The following LRRC38 variants were observed in gnomAD, a reference collection of about 807,000 sequenced individuals.
The protein encoded by LRRC38 is leucine-rich repeat-containing protein 38.
Under a neutral mutation model 16.4 loss-of-function variants are expected in LRRC38, and 5 were observed. The ratio of observed to expected loss-of-function variants is 0.31; its 90% CI spans 0.16 to 0.64. The LOEUF is 0.64. Ranked by LOEUF, LRRC38 falls within the 30% of genes least tolerant of loss-of-function variation. The probability of loss-of-function intolerance (pLI) is 0.80; values close to 1 mark genes in which losing one functional copy is unlikely to be tolerated. For synonymous variants in LRRC38, 191 were observed against 190.2 expected (o/e 1.00, Z -0.04); for missense variants, 341 against 401.8 (o/e 0.85, Z 1.29).
At chr1:13,500,898 T>A (rs355045) in intron 1 of LRRC38, among the ~76,000 whole-genome samples, 1 of 151,898 alleles carries the variant, frequency 6.6e-6, no homozygotes, top group Non-Finnish European at 1.5e-5. Context: ...TCAGTGGTCA[T>A]GAGGGGTTGA....
At chr1:13,488,217 T>C (rs573976673) in intron 1 of LRRC38, among the ~76,000 whole-genome samples, 1 of 152,190 alleles carries the variant, frequency 6.6e-6, no homozygotes, top group African/African-American at 2.4e-5. Flanking sequence ...CCCAGGATCT[T>C]TCCAGTTTTC....
At chr1:13,476,472 G>A (rs762259428) in intron 1 of LRRC38, among the ~76,000 whole-genome samples, 1 of 152,138 alleles carries the variant, frequency 6.6e-6, no homozygotes, top group Non-Finnish European at 1.5e-5. Context: ...GGGATTACAG[G>A]TGTGCACCGC....
At chr1:13,506,832 T>C (rs1390670113) in intron 1 of LRRC38, among the ~76,000 whole-genome samples, 1 of 152,212 alleles carries the variant, frequency 6.6e-6, no homozygotes, top group Non-Finnish European at 1.5e-5. Flanking sequence ...CTGCAAACCA[T>C]GTTCCAGACC....
At chr1:13,481,731 C>A (rs1638861646) in intron 1 of LRRC38, among the ~76,000 whole-genome samples, 1 of 150,890 alleles carries the variant, frequency 6.6e-6, no homozygotes, top group Admixed American at 6.6e-5. Context: ...AGAGAGCTCT[C>A]CCAATCTGTC....
At position 13,513,267 on chromosome 1, in the gene LRRC38, G is replaced by C. The variant is rs1264782569; in HGVS notation, c.327C>G (p.Leu109=). 3 of 1,550,460 alleles carry C rather than the reference G, an allele frequency of 1.9e-6. No homozygotes were observed. Among genetic ancestry groups the C allele is most frequent in the Non-Finnish European group, 1.7e-6 (2 of 1,146,984 alleles). The change falls in exon 1 of 2, where the codon CTC becomes CTG. Residue 109 remains leucine, a synonymous_variant. Coordinates refer to ENST00000376085, the MANE Select transcript of LRRC38 (RefSeq NM_001010847.2). ...TFSGSAKLVF[L]DLSYNNLTQL... is the part of the protein sequence containing the mutation. ...GGGTCAAGTTGTTGTAGCTGAGGTC[G>C]AGGAACACGAGCTTGGCCGAGCCGC...
intron 1 of LRRC38, among the ~76,000 whole-genome samples, chr1:13,484,448 T>C (rs1292504501): frequency 6.6e-6 from 1 of 152,206 alleles, no homozygotes; most frequent in South Asian, 2.1e-4. Context: ...TGAATCAACA[T>C]GTGAATAAAG....
Position 13,513,427 on chromosome 1 carries a change from AG to A in LRRC38, c.166del (p.Leu56TrpfsTer61). 2 of 1,550,092 alleles carry A rather than the reference AG, an allele frequency of 1.3e-6. No homozygotes were observed. Among genetic ancestry groups the A allele is most frequent in the Non-Finnish European group, 8.7e-7 (1 of 1,146,708 alleles). The part of the protein sequence containing the change: ...GLPSVPDPFP[L>X]DVRKLLVAGN... ...GGCCACCAGCAGCTTGCGCACGTCC[AG>A]GGGGAAAGGGTCTGGCACGCTGGGC... On this transcript the variant is annotated frameshift_variant, in exon 1 of 2. Coordinates refer to ENST00000376085, the MANE Select transcript of LRRC38 (RefSeq NM_001010847.2). LOFTEE classifies it high-confidence loss of function.
chr1:13,492,644 G>C (rs1285876076), intron 1 of LRRC38, among the ~76,000 whole-genome samples: 1 of 152,106 alleles, frequency 6.6e-6, no homozygotes, highest in Non-Finnish European at 1.5e-5. Context: ...GGAGGTTACA[G>C]TGAGCTGAGA....
intron 1 of LRRC38, 31 bp downstream of exon 1, chr1:13,512,924 CCCCTCCCT>C: frequency 1.6e-6 from 2 of 1,215,302 alleles, no homozygotes; most frequent in Non-Finnish European, 2.3e-6. Context: ...TCTCCCTGCC[CCCCTCCCT>C]CCCTCCCCCA....
chr1:13,498,985 T>C (rs6686376), intron 1 of LRRC38, among the ~76,000 whole-genome samples: 6,351 of 152,204 alleles, frequency 0.042, 385 homozygotes, highest in African/African-American at 0.13. Context: ...TCTGCCTTCA[T>C]CTTCACGTGG....
chr1:13,510,007 G>A (rs1418239489), intron 1 of LRRC38, among the ~76,000 whole-genome samples: 10 of 152,298 alleles, frequency 6.6e-5, no homozygotes, highest in African/African-American at 1.7e-4. Flanking sequence ...CTCCCCTGGC[G>A]ATTCTCATGC....
chr1:13,490,370 G>C (rs1638995124), intron 1 of LRRC38, among the ~76,000 whole-genome samples: 3 of 152,084 alleles, frequency 2.0e-5, no homozygotes, highest in African/African-American at 7.2e-5. Flanking sequence ...TGTTAGCCAG[G>C]CTGGTCTTGA....
intron 1 of LRRC38, among the ~76,000 whole-genome samples, chr1:13,485,106 C>T (rs991406900): frequency 6.0e-5 from 9 of 150,522 alleles, no homozygotes; most frequent in African/African-American, 1.7e-4. Flanking sequence ...GGAGAAACCC[C>T]GTCTCTACCA....
chr1:13,500,984 T>A (rs1235191615), intron 1 of LRRC38, among the ~76,000 whole-genome samples: 1 of 152,142 alleles, frequency 6.6e-6, no homozygotes, highest in Non-Finnish European at 1.5e-5. Flanking sequence ...CGTGATTCTA[T>A]GATCGTGAAG....
Position 13,487,269 on chromosome 1 carries a change from G to A in LRRC38, c.632-11170C>T, listed in dbSNP as rs796205056. Reference sequence around the variant, plus strand: ...GAATTCAAGAACGAATTGGGCTCCTGTCCTAACTGTCAGCCTTTGTCCCAC... The same window carrying A: ...GAATTCAAGAACGAATTGGGCTCCTATCCTAACTGTCAGCCTTTGTCCCAC... On this transcript the variant is annotated intron_variant, in intron 1 of 1. Coordinates refer to ENST00000376085, the MANE Select transcript of LRRC38 (RefSeq NM_001010847.2). This position sits in a 1 kb window ranked among gnomAD's most constrained non-coding sequence, Gnocchi z 4.4. Among the ~76,000 whole-genome samples the A allele has an allele frequency of 1.1e-4, 16 of 152,304 alleles. No individual in the cohort carries two copies. Among genetic ancestry groups the A allele is most frequent in the African/African-American group, 3.8e-4 (16 of 41,574 alleles).
chr1:13,482,509 G>A (rs1638881670), intron 1 of LRRC38, among the ~76,000 whole-genome samples: 1 of 151,880 alleles, frequency 6.6e-6, no homozygotes, highest in East Asian at 1.9e-4. Context: ...GAGCCCCAGA[G>A]GCAAACGCTG....
chr1:13,481,765 C>T (rs1449037669), intron 1 of LRRC38, among the ~76,000 whole-genome samples: 13 of 26,338 alleles, frequency 4.9e-4, no homozygotes, highest in African/African-American at 4.2e-3. Context: ...TTCTTTCCCT[C>T]TCTCTCCCTC....
chr1:13,477,367 A>C lies in LRRC38; in HGVS notation c.632-1268T>G, dbSNP rs575077364. Among the ~76,000 whole-genome samples, 107 of 152,350 alleles carry C rather than the reference A, an allele frequency of 7.0e-4. 2 individuals are homozygous for C. Among genetic ancestry groups the C allele is most frequent in the African/African-American group, 2.3e-3 (97 of 41,578 alleles). On this transcript the variant is annotated intron_variant, in intron 1 of 1. Coordinates refer to ENST00000376085, the MANE Select transcript of LRRC38 (RefSeq NM_001010847.2). ...CATTTAGCTTACATTTTAGACAATA[A>C]ATGAATAGTTCAAGACATGTAAAAT...
At chr1:13,500,690 G>A (rs1393171330) in intron 1 of LRRC38, among the ~76,000 whole-genome samples, 2 of 152,252 alleles carry the variant, frequency 1.3e-5, no homozygotes, top group Non-Finnish European at 2.9e-5. Context: ...AGGACCTCCT[G>A]AGGCTATGTC....
Sources: gnomAD v4.1 joint callset for allele counts (sites outside exome capture counted in the v4.1 genomes callset) on GRCh38, gnomAD v4.1.1 for gene constraint, Gnocchi (gnomAD v3.1) non-coding constraint, MANE v1.5 for transcripts, NCBI Gene and HGNC (gene_info 2026-07-23, HGNC 2026-07-21) for gene names.